Variants in TBC1D19 observed in about 807,000 individuals in gnomAD.
TBC1D19 encodes TBC1 domain family member 19, also known as TBC1 domain family, member 19.
A neutral mutation model predicts 89.0 loss-of-function variants in TBC1D19; 60 were observed. The ratio of observed to expected loss-of-function variants is 0.67; its 90% CI spans 0.55 to 0.84. The LOEUF is 0.84. Among genes scored for constraint, TBC1D19 ranks in the 40% least tolerant of loss-of-function variants. The pLI is 0.00. For missense variants in TBC1D19, 500 were observed against 610.8 expected (o/e 0.82, Z 1.91); for synonymous variants, 189 against 199.7 (o/e 0.95, Z 0.45).
intron 1 of TBC1D19, among the ~76,000 whole-genome samples, chr4:26,605,522 A>G (rs1243311512): frequency 2.0e-5 from 3 of 152,078 alleles, no homozygotes; most frequent in Non-Finnish European, 1.5e-5. Flanking sequence ...ATACGTGTGC[A>G]TGTGTCTTTA....
intron 15 of TBC1D19, among the ~76,000 whole-genome samples, chr4:26,735,146 A>G (rs995522336): frequency 2.4e-4 from 37 of 151,518 alleles, no homozygotes; most frequent in South Asian, 6.2e-4. Context: ...GTATACACAT[A>G]TGTGTGTATG....
At chr4:26,716,349 G>A (rs1238628932) in intron 13 of TBC1D19, among the ~76,000 whole-genome samples, 1 of 152,074 alleles carries the variant, frequency 6.6e-6, no homozygotes, top group Admixed American at 6.6e-5. Flanking sequence ...ATACGTGTAG[G>A]TAAATCTTAC....
chr4:26,737,866 CA>C lies in TBC1D19; in HGVS notation c.1118-1994del, dbSNP rs139082224. On this transcript the variant is annotated intron_variant, in intron 16 of 20. Transcript: ENST00000264866. ...GATAGGCTGTCATTAAAAAGGAAAC[CA>C]AAAGATAGTAATTTATTTTAAAATT... is the stretch of plus-strand genomic sequence containing the variant. 6.0e-3 allele frequency among the ~76,000 whole-genome samples: 910 copies of C among 151,944 alleles called. 7 individuals are homozygous for C. The highest frequency in any genetic ancestry group is 0.021 in the African/African-American group (882 of 41,490).
At chr4:26,834,165 G>A in the TBC1D19 span, among the ~76,000 whole-genome samples, 1 of 152,106 alleles carries the variant, frequency 6.6e-6, no homozygotes, top group Non-Finnish European at 1.5e-5. Flanking sequence ...ATGATTGTAA[G>A]TTTCCTGAGG....
Position 26,604,592 on chromosome 4 carries a change from C to T in TBC1D19, c.100-8577C>T, listed in dbSNP as rs374729487. Among the ~76,000 whole-genome samples the T allele has an allele frequency of 4.0e-5, 6 of 149,980 alleles. No homozygotes were observed. In the East Asian group the frequency reaches 9.9e-4, roughly 25 times the overall value. On this transcript the variant is annotated intron_variant, in intron 1 of 20. Transcript: ENST00000264866. ...TATTGTTAATAATGCTACTATGGGC[C>T]GGGCATGGTGGCTCACGCCTGTAAT... is the stretch of plus-strand genomic sequence containing the variant.
intron 14 of TBC1D19, 152 bp from the exon 15 acceptor site, chr4:26,719,929 G>T: frequency 1.9e-6 from 1 of 521,864 alleles, no homozygotes; most frequent in South Asian, 4.3e-5. Flanking sequence ...AGATTGGCTG[G>T]TACATTTTTA....
the TBC1D19 span, among the ~76,000 whole-genome samples, chr4:26,835,472 C>T: frequency 2.6e-5 from 4 of 152,212 alleles, no homozygotes; most frequent in Admixed American, 2.6e-4. Context: ...AATGAGTACA[C>T]TTCCAAAAGC....
At chr4:26,744,043 T>A (rs1017837667) in intron 18 of TBC1D19, among the ~76,000 whole-genome samples, 2 of 151,556 alleles carry the variant, frequency 1.3e-5, no homozygotes, top group African/African-American at 4.8e-5. Context: ...TTTTGGAAGG[T>A]TTTTTAATTT....
chr4:26,607,276 G>A (rs1741073031), intron 1 of TBC1D19, among the ~76,000 whole-genome samples: 1 of 152,166 alleles, frequency 6.6e-6, no homozygotes, highest in African/African-American at 2.4e-5. Flanking sequence ...TATTTGAAAA[G>A]CCGCTACTTC....
intron 9 of TBC1D19, among the ~76,000 whole-genome samples, chr4:26,667,740 A>G (rs1167442180): frequency 6.6e-6 from 1 of 151,928 alleles, no homozygotes; most frequent in East Asian, 1.9e-4. Context: ...TCCTAGAAAT[A>G]TTCATTCATT....
In TBC1D19 at chr4:26,611,461, T is replaced by TAAGGTACCTTATAAG. The variant is rs534072546; in HGVS notation, c.100-1708_100-1707insAAGGTACCTTATAAG. ...TAGCTCAACATGTTCCTCTGCCCTTTGTATGTCTTATAAGTTGACAGGTGG... is the reference window on the plus strand; with the variant it reads ...TAGCTCAACATGTTCCTCTGCCCTTTAAGGTACCTTATAAGGTATGTCTTATAAGTTGACAGGTGG... On this transcript the variant is annotated intron_variant, in intron 1 of 20. Coordinates refer to ENST00000264866, the MANE Select transcript of TBC1D19 (RefSeq NM_018317.4). Among the ~76,000 whole-genome samples the TAAGGTACCTTATAAG allele has an allele frequency of 2.5e-3, 386 of 152,220 alleles. 4 individuals are homozygous for TAAGGTACCTTATAAG. The highest frequency in any genetic ancestry group is 9.1e-3 in the African/African-American group (376 of 41,544).
chr4:26,731,707 A>G lies in TBC1D19; in HGVS notation c.1085-3748A>G, dbSNP rs1487131024. On this transcript the variant is annotated intron_variant, in intron 15 of 20. Coordinates refer to ENST00000264866, the MANE Select transcript of TBC1D19 (RefSeq NM_018317.4). ...AGAAACAAAACAAACACTCACAAAAAACTGAGCAGCAAAAGTTTCTGTGGG... is the reference window on the plus strand; with the variant it reads ...AGAAACAAAACAAACACTCACAAAAGACTGAGCAGCAAAAGTTTCTGTGGG... 3.3e-5 allele frequency among the ~76,000 whole-genome samples: 5 copies of G among 152,124 alleles called. No homozygotes were observed. The East Asian group carries it at 9.6e-4, about 29-fold the overall frequency.
chr4:26,601,060 G>A (rs1258776645), intron 1 of TBC1D19, among the ~76,000 whole-genome samples: 2 of 152,038 alleles, frequency 1.3e-5, no homozygotes, highest in African/African-American at 4.8e-5. Flanking sequence ...ATGTGAGAAA[G>A]GACATATCCT....
chr4:26,855,687 C>T, the TBC1D19 span, among the ~76,000 whole-genome samples: 1 of 152,170 alleles, frequency 6.6e-6, no homozygotes, highest in Non-Finnish European at 1.5e-5. Flanking sequence ...CTTTTCTTCT[C>T]CTTGCTGATA....
chr4:26,638,641 C>T (rs1287983663), intron 5 of TBC1D19, 130 bp from the exon 6 acceptor site: 7 of 676,726 alleles, frequency 1.0e-5, no homozygotes, highest in Non-Finnish European at 1.7e-5. Context: ...CCAAATTCAA[C>T]ATGTTTAATG....
Position 26,584,306 on chromosome 4 carries a change from A to G in TBC1D19, c.99+14A>G. 1 of 1,601,728 alleles carries G rather than the reference A, an allele frequency of 6.2e-7. No individual in the cohort carries two copies. Among genetic ancestry groups the G allele is most frequent in the Non-Finnish European group, 8.5e-7 (1 of 1,174,612 alleles). Reference sequence around the variant, plus strand: ...CGGCAGGCCTGGGTAAGTGAGGCCGAGTGGGAAGGGATGCAGACGGGCGGG... The same window carrying G: ...CGGCAGGCCTGGGTAAGTGAGGCCGGGTGGGAAGGGATGCAGACGGGCGGG... On this transcript the variant is annotated intron_variant, in intron 1 of 20. Transcript: ENST00000264866.
chr4:26,619,428 A>G (rs2110029988), intron 3 of TBC1D19, among the ~76,000 whole-genome samples: 1 of 152,160 alleles, frequency 6.6e-6, no homozygotes, highest in African/African-American at 2.4e-5. Flanking sequence ...GATGGTCTCG[A>G]GCTCCTGACC....
At chr4:26,854,726 C>CTTTT in the TBC1D19 span, among the ~76,000 whole-genome samples, 1 of 126,118 alleles carries the variant, frequency 7.9e-6, no homozygotes. Context: ...AATCTCCAGC[C>CTTTT]TTTTTTTTTT....
intron 19 of TBC1D19, among the ~76,000 whole-genome samples, chr4:26,749,093 T>C (rs1393133134): frequency 6.6e-6 from 1 of 152,240 alleles, no homozygotes; most frequent in Non-Finnish European, 1.5e-5. Context: ...TCATCTTTTT[T>C]TCAAAGCCAC....
Sources: gnomAD v4.1 joint callset for allele counts (sites outside exome capture counted in the v4.1 genomes callset) on GRCh38, gnomAD v4.1.1 for gene constraint, MANE v1.5 for transcripts, NCBI Gene and HGNC (gene_info 2026-07-23, HGNC 2026-07-21) for gene names.